The following FHIT variants were observed in gnomAD, a reference collection of about 807,000 sequenced individuals.
FHIT encodes fragile histidine triad diadenosine triphosphatase.
In FHIT, 19 loss-of-function variants were observed where a neutral mutation model predicts 17.9. That is an observed-to-expected ratio of 1.06 (90% CI 0.74 to 1.56). The LOEUF (loss-of-function observed/expected upper bound fraction) is 1.56. Ranked by LOEUF, FHIT falls within the 40% of genes most tolerant of loss-of-function variation. The probability of loss-of-function intolerance (pLI) is 0.00; values close to 1 mark genes in which losing one functional copy is unlikely to be tolerated. For missense variants in FHIT, 248 were observed against 189.2 expected, an observed-to-expected ratio of 1.31 and a Z score of -1.82; for synonymous variants, 81 against 69.7, an observed-to-expected ratio of 1.16 and a Z score of -0.81.
rs559802805 is a variant in FHIT at position 60,362,783 on chromosome 3, T to C, written c.103+174077A>G. On this transcript the variant is annotated intron_variant, in intron 5 of 9. Coordinates refer to ENST00000492590, the MANE Select transcript of FHIT (RefSeq NM_002012.4). Reference sequence around the variant, plus strand: ...TCAGATTGCCTTCCTTATAGAGTTATAGTGAGGGATAAACAGGGTACAGTA... The same window carrying C: ...TCAGATTGCCTTCCTTATAGAGTTACAGTGAGGGATAAACAGGGTACAGTA... Among the ~76,000 whole-genome samples the C allele has an allele frequency of 1.1e-4, 16 of 152,256 alleles. No homozygotes were observed. The East Asian group carries it at 2.7e-3, about 26-fold the overall frequency.
At chr3:60,379,161 AAG>A (rs776812654) in intron 5 of FHIT, among the ~76,000 whole-genome samples, 7 of 152,208 alleles carry the variant, frequency 4.6e-5, no homozygotes, top group Non-Finnish European at 1.0e-4. Context: ...CTAATTGTTC[AAG>A]ATTTTATCAT....
At chr3:60,003,474 G>C (rs1409514770) in intron 7 of FHIT, among the ~76,000 whole-genome samples, 1 of 152,166 alleles carries the variant, frequency 6.6e-6, no homozygotes, top group East Asian at 1.9e-4. Context: ...ATGTGGTGTA[G>C]TCTAAAACAA....
intron 1 of FHIT, among the ~76,000 whole-genome samples, chr3:61,222,863 TA>T (rs1381146090): frequency 6.6e-6 from 1 of 152,196 alleles, no homozygotes. Flanking sequence ...GACTTAGCGC[TA>T]GCAGTGGAAT....
intron 5 of FHIT, among the ~76,000 whole-genome samples, chr3:60,144,671 C>T (rs1038877122): frequency 1.3e-5 from 2 of 151,922 alleles, no homozygotes; most frequent in East Asian, 3.9e-4. Flanking sequence ...CAATACATAT[C>T]CGTGTTGTGT....
chr3:60,998,877 T>G (rs957893346), intron 3 of FHIT, among the ~76,000 whole-genome samples: 2 of 151,528 alleles, frequency 1.3e-5, no homozygotes, highest in Non-Finnish European at 2.9e-5. Flanking sequence ...TTCACCATAA[T>G]TCAGGTAGCG....
chr3:60,390,415 AAAAAAAAAAAAAAC>A (rs962171369), intron 5 of FHIT, among the ~76,000 whole-genome samples: 6 of 128,760 alleles, frequency 4.7e-5, no homozygotes, highest in African/African-American at 1.1e-4. Context: ...AAAAAAAAAA[AAAAAAAAAAAAAAC>A]CCGTACCCTC....
At chr3:60,579,524 C>A (rs1292530333) in intron 4 of FHIT, among the ~76,000 whole-genome samples, 1 of 152,078 alleles carries the variant, frequency 6.6e-6, no homozygotes, top group African/African-American at 2.4e-5. Context: ...TGTATGTTGA[C>A]AAACTATAAT....
Position 60,521,483 on chromosome 3 carries a change from G to A in FHIT, c.103+15377C>T, listed in dbSNP as rs111653908. Among the ~76,000 whole-genome samples, 1,017 of 152,210 alleles carry A rather than the reference G, an allele frequency of 6.7e-3. 12 individuals carry two copies. The highest frequency in any genetic ancestry group is 0.023 in the African/African-American group (954 of 41,538). ...AGGATGGTCTCGATCTGCTGACTTC[G>A]TGATCCGCCCACCTCGGCCTCCCAA... On this transcript the variant is annotated intron_variant, in intron 5 of 9. Coordinates refer to ENST00000492590, the MANE Select transcript of FHIT (RefSeq NM_002012.4).
At chr3:60,399,383 G>A (rs1701575815) in intron 5 of FHIT, among the ~76,000 whole-genome samples, 3 of 152,084 alleles carry the variant, frequency 2.0e-5, no homozygotes, top group Non-Finnish European at 4.4e-5. Flanking sequence ...TGAGCACAAA[G>A]GAATAGATGC....
Position 61,149,938 on chromosome 3 carries a change from T to A in FHIT, c.-164+50679A>T, listed in dbSNP as rs145371722. On this transcript the variant is annotated intron_variant, in intron 2 of 9. Transcript: ENST00000492590. The stretch of plus-strand genomic sequence containing the variant: ...AGAAAACTGGTAAAAACTAGGGCTA[T>A]CCTGAGCAAACTCAGATGCATGGGT... Among the ~76,000 whole-genome samples, 1,221 of 152,238 alleles carry A rather than the reference T, an allele frequency of 8.0e-3. 68 individuals are homozygous for A. The highest frequency in any genetic ancestry group is 0.076 in the Admixed American group (1,164 of 15,282).
At chr3:60,660,441 C>G (rs1341882927) in intron 4 of FHIT, among the ~76,000 whole-genome samples, 1 of 152,082 alleles carries the variant, frequency 6.6e-6, no homozygotes, top group Non-Finnish European at 1.5e-5. Flanking sequence ...GAGCTAAAGT[C>G]AACCACAGTT....
intron 3 of FHIT, among the ~76,000 whole-genome samples, chr3:60,893,875 T>C (rs1178484415): frequency 6.6e-6 from 1 of 152,164 alleles, no homozygotes; most frequent in African/African-American, 2.4e-5. Context: ...AGGCACCACA[T>C]AGGGGTTAGG....
intron 5 of FHIT, among the ~76,000 whole-genome samples, chr3:60,430,397 C>A (rs950145455): frequency 6.6e-6 from 1 of 151,968 alleles, no homozygotes; most frequent in Non-Finnish European, 1.5e-5. Flanking sequence ...CTGACTTCCA[C>A]CTCAAAATTC....
intron 8 of FHIT, among the ~76,000 whole-genome samples, chr3:59,781,071 A>G (rs1305330123): frequency 6.6e-6 from 1 of 152,168 alleles, no homozygotes; most frequent in Non-Finnish European, 1.5e-5. Context: ...CACTGAACCA[A>G]TGCTAATGTT....
At chr3:59,995,103 T>G (rs1699452021) in intron 7 of FHIT, among the ~76,000 whole-genome samples, 1 of 152,030 alleles carries the variant, frequency 6.6e-6, no homozygotes, top group Non-Finnish European at 1.5e-5. Context: ...GCTCTGAATG[T>G]TCTCACCTCT....
chr3:61,141,790 T>C (rs1328917683), intron 2 of FHIT, among the ~76,000 whole-genome samples: 1 of 151,626 alleles, frequency 6.6e-6, no homozygotes, highest in Non-Finnish European at 1.5e-5. Context: ...AGGATTGTAA[T>C]GGCAATGACA....
At chr3:60,033,494 C>CAA (rs80146755) in intron 5 of FHIT, among the ~76,000 whole-genome samples, 64 of 128,140 alleles carry the variant, frequency 5.0e-4, no homozygotes, top group African/African-American at 1.8e-3. Context: ...AACTCCATCC[C>CAA]AAAAAAAAAA....
chr3:60,008,435 C>T (rs1000068654), intron 7 of FHIT, among the ~76,000 whole-genome samples: 5 of 152,052 alleles, frequency 3.3e-5, no homozygotes, highest in Non-Finnish European at 5.9e-5. Context: ...GTAAGCAAGG[C>T]CACGCTTGTT....
intron 4 of FHIT, among the ~76,000 whole-genome samples, chr3:60,787,707 C>G (rs1261154585): frequency 6.6e-6 from 1 of 152,194 alleles, no homozygotes; most frequent in Non-Finnish European, 1.5e-5. Flanking sequence ...CGATACTTGC[C>G]ACATTTCTGT....
Sources: gnomAD v4.1 joint callset for allele counts (sites outside exome capture counted in the v4.1 genomes callset) on GRCh38, gnomAD v4.1.1 for gene constraint, MANE v1.5 for transcripts, NCBI Gene and HGNC (gene_info 2026-07-23, HGNC 2026-07-21) for gene names.